Variants in MACROD2 observed in about 807,000 individuals in gnomAD.
MACROD2 encodes the protein mono-ADP ribosylhydrolase 2.
A neutral mutation model predicts 70.4 loss-of-function variants in MACROD2; 36 were observed. The observed-to-expected ratio is 0.51, with a 90% CI of 0.39 to 0.68. The LOEUF is 0.68. Ranked by LOEUF, MACROD2 falls within the 30% of genes least tolerant of loss-of-function variation. The pLI is 0.00. For missense variants in MACROD2, 496 were observed against 538.4 expected (o/e 0.92, Z 0.78); for synonymous variants, 172 against 178.8 (o/e 0.96, Z 0.30).
intron 3 of MACROD2, among the ~76,000 whole-genome samples, chr20:14,436,483 C>T (rs1314397235): frequency 1.3e-5 from 2 of 152,158 alleles, no homozygotes; most frequent in Admixed American, 1.3e-4. Flanking sequence ...CTCTTACTAA[C>T]ACTATATGCC....
At chr20:14,158,908 A>G (rs1358531990) in intron 3 of MACROD2, among the ~76,000 whole-genome samples, 1 of 152,018 alleles carries the variant, frequency 6.6e-6, no homozygotes, top group African/African-American at 2.4e-5. Flanking sequence ...TTTTGGTTCT[A>G]TACAAATTTT....
intron 5 of MACROD2, among the ~76,000 whole-genome samples, chr20:14,892,486 AATT>A (rs2073774959): frequency 1.3e-5 from 2 of 152,132 alleles, no homozygotes; most frequent in Admixed American, 1.3e-4. Flanking sequence ...TCTAATGTAG[AATT>A]ATAATATTAA....
chr20:15,826,737 A>G (rs1237352172), intron 8 of MACROD2, among the ~76,000 whole-genome samples: 1 of 152,196 alleles, frequency 6.6e-6, no homozygotes, highest in Non-Finnish European at 1.5e-5. Flanking sequence ...TGTCTGTACA[A>G]TGGACATTAG....
intron 4 of MACROD2, among the ~76,000 whole-genome samples, chr20:14,521,668 T>C (rs994986794): frequency 2.0e-5 from 3 of 152,222 alleles, no homozygotes; most frequent in African/African-American, 7.2e-5. Flanking sequence ...CTGTTCACAG[T>C]AACTTTAGTC....
chr20:15,536,482 A>C (rs2146557504), intron 8 of MACROD2, among the ~76,000 whole-genome samples: 1 of 152,354 alleles, frequency 6.6e-6, no homozygotes, highest in African/African-American at 2.4e-5. Flanking sequence ...GATTAAAAGT[A>C]GGAACAAAGC....
intron 8 of MACROD2, among the ~76,000 whole-genome samples, chr20:15,719,191 T>C (rs6043483): frequency 0.087 from 13,189 of 152,246 alleles, 1,780 homozygotes; most frequent in African/African-American, 0.29. Flanking sequence ...AATTTATGGA[T>C]GATGATTTCT....
rs547794571 is a variant in MACROD2 at position 15,159,446 on chromosome 20, A to G, written c.419-70494A>G. Among the ~76,000 whole-genome samples the G allele has an allele frequency of 2.0e-5, 3 of 152,192 alleles. No individual in the cohort carries two copies. In the South Asian group the frequency reaches 6.2e-4, roughly 32 times the overall value. ...GTTTTTCAAAAATATGCAACTCTATATGTTGATGTAGAACTAGAGTGATTG... is the reference window on the plus strand; with the variant it reads ...GTTTTTCAAAAATATGCAACTCTATGTGTTGATGTAGAACTAGAGTGATTG... On this transcript the variant is annotated intron_variant, in intron 5 of 17. Coordinates refer to ENST00000684519, the MANE Select transcript of MACROD2 (RefSeq NM_001351661.2).
intron 8 of MACROD2, among the ~76,000 whole-genome samples, chr20:15,859,645 T>C (rs2064397738): frequency 6.6e-6 from 1 of 152,212 alleles, no homozygotes; most frequent in South Asian, 2.1e-4. Flanking sequence ...GACTAATTCT[T>C]GGATTCACCT....
At chr20:14,943,289 T>A (rs951884470) in intron 5 of MACROD2, among the ~76,000 whole-genome samples, 3 of 152,168 alleles carry the variant, frequency 2.0e-5, no homozygotes, top group African/African-American at 7.2e-5. Flanking sequence ...AGACTTTAAG[T>A]ATGTTAAATG....
intron 5 of MACROD2, among the ~76,000 whole-genome samples, chr20:15,015,996 C>T (rs1488325993): frequency 1.3e-5 from 2 of 152,140 alleles, no homozygotes. Flanking sequence ...CAGAAACAAA[C>T]CCTGACTCAG....
intron 4 of MACROD2, among the ~76,000 whole-genome samples, chr20:14,599,925 A>G (rs1182428770): frequency 1.3e-5 from 2 of 152,064 alleles, no homozygotes; most frequent in African/African-American, 2.4e-5. Flanking sequence ...TGAGATAGCT[A>G]TCACTGAGTA....
chr20:15,418,117 T>A (rs6043265), intron 6 of MACROD2, among the ~76,000 whole-genome samples: 20,251 of 152,074 alleles, frequency 0.13, 2,374 homozygotes, highest in African/African-American at 0.32. Context: ...TCTGGGGAGG[T>A]TACTCACCCA....
chr20:15,269,871 A>G (rs753152999), intron 6 of MACROD2, among the ~76,000 whole-genome samples: 1 of 152,076 alleles, frequency 6.6e-6, no homozygotes, highest in African/African-American at 2.4e-5. Flanking sequence ...TACCTCTTTA[A>G]TTAATTAATT....
At chr20:15,130,053 C>T (rs1389983458) in intron 5 of MACROD2, among the ~76,000 whole-genome samples, 1 of 152,016 alleles carries the variant, frequency 6.6e-6, no homozygotes, top group African/African-American at 2.4e-5. Context: ...GAACATTAAA[C>T]AGTGTAATTA....
chr20:14,638,604 T>C (rs893505655), intron 4 of MACROD2, among the ~76,000 whole-genome samples: 1 of 152,172 alleles, frequency 6.6e-6, no homozygotes, highest in Admixed American at 6.5e-5. Flanking sequence ...TTTCCTCATC[T>C]GTATAATGAG....
intron 6 of MACROD2, among the ~76,000 whole-genome samples, chr20:15,313,237 T>G (rs913334763): frequency 3.3e-5 from 5 of 152,244 alleles, no homozygotes; most frequent in African/African-American, 1.2e-4. Flanking sequence ...CCGTGTGCGG[T>G]GGCTCACACC....
intron 5 of MACROD2, among the ~76,000 whole-genome samples, chr20:15,034,276 A>G (rs111310255): frequency 0.016 from 2,430 of 152,292 alleles, 66 homozygotes; most frequent in African/African-American, 0.056. Context: ...ACACCTCACG[A>G]TGTATATGCT....
At chr20:14,650,934 G>T (rs1057236498) in intron 4 of MACROD2, among the ~76,000 whole-genome samples, 1 of 152,120 alleles carries the variant, frequency 6.6e-6, no homozygotes, top group Non-Finnish European at 1.5e-5. Context: ...ACTATTTCCA[G>T]AATGAGAGTT....
At chr20:14,810,891 G>T (rs1353584175) in intron 5 of MACROD2, among the ~76,000 whole-genome samples, 2 of 151,988 alleles carry the variant, frequency 1.3e-5, no homozygotes, top group Non-Finnish European at 2.9e-5. Flanking sequence ...GGGATGTGAA[G>T]GACCTCTTCA....
Sources: allele counts gnomAD v4.1 joint callset (sites outside exome capture counted in the v4.1 genomes callset), GRCh38; gene constraint gnomAD v4.1.1; transcripts MANE v1.5; gene names NCBI Gene and HGNC (gene_info 2026-07-23, HGNC 2026-07-21).